Variants in TRIM43B observed in about 807,000 individuals in gnomAD.
The protein encoded by TRIM43B is tripartite motif-containing protein 43B.
In TRIM43B, 15 loss-of-function variants were observed where a neutral mutation model predicts 27.0. That is an observed-to-expected ratio of 0.55 (90% CI 0.37 to 0.85). The LOEUF is 0.85. TRIM43B is among the 40% of genes least tolerant of loss of function. TRIM43B has a pLI of 0.00. For missense variants in TRIM43B, 172 were observed against 289.8 expected, an observed-to-expected ratio of 0.59 and a Z score of 2.95; for synonymous variants, 69 against 97.8, an observed-to-expected ratio of 0.71 and a Z score of 1.74.
Position 95,483,833 on chromosome 2 carries a change from C to T in TRIM43B, c.-5+773G>A, listed in dbSNP as rs199861244. The stretch of plus-strand genomic sequence containing the variant: ...ACAGAGCAAGACTCTGTCTCCCCCC[C>T]AAAACAAAAACAAAAACAAAAACGA... On this transcript the variant is annotated intron_variant, in intron 1 of 6. Transcript: ENST00000639673. Among the ~76,000 whole-genome samples, 197 of 151,430 alleles carry T rather than the reference C, an allele frequency of 1.3e-3. 1 individual carries two copies. Among genetic ancestry groups the T allele is most frequent in the Non-Finnish European group, 2.4e-3 (160 of 67,808 alleles).
chr2:95,482,208 A>G (rs1356449243), intron 2 of TRIM43B, 96 bp downstream of exon 2: 58 of 1,264,706 alleles, frequency 4.6e-5, no homozygotes, highest in Non-Finnish European at 5.8e-5. Context: ...GGCACTCAGT[A>G]AAGAATGGAG....
intron 3 of TRIM43B, among the ~76,000 whole-genome samples, chr2:95,480,915 C>T (rs1683510620): frequency 6.6e-6 from 1 of 151,918 alleles, no homozygotes; most frequent in Non-Finnish European, 1.5e-5. Flanking sequence ...TAATCAGGAT[C>T]AGAAGCCATC....
At chr2:95,480,270 C>G (rs1471432704) in intron 4 of TRIM43B, 35 bp downstream of exon 4, 2 of 1,553,498 alleles carry the variant, frequency 1.3e-6, no homozygotes. Context: ...GGTCAGCTAA[C>G]ACAAAGTGTC....
chr2:95,481,100 C>T (rs1683513363), intron 3 of TRIM43B, among the ~76,000 whole-genome samples: 1 of 151,980 alleles, frequency 6.6e-6, no homozygotes, highest in Non-Finnish European at 1.5e-5. Flanking sequence ...TATTTATCCT[C>T]TCACTGCCCC....
intron 1 of TRIM43B, among the ~76,000 whole-genome samples, chr2:95,484,244 C>A (rs1022388979): frequency 6.6e-6 from 1 of 151,738 alleles, no homozygotes; most frequent in Non-Finnish European, 1.5e-5. Context: ...TGGTGGCAGG[C>A]GGCTATATTT....
intron 1 of TRIM43B, among the ~76,000 whole-genome samples, chr2:95,484,196 C>A (rs1464459661): frequency 1.3e-5 from 2 of 151,756 alleles, no homozygotes; most frequent in African/African-American, 4.8e-5. Context: ...TAATGAAACC[C>A]CGTCTCTACT....
In TRIM43B at chr2:95,482,297, C is replaced by T; in HGVS notation, c.411+7G>A. 2.5e-6 allele frequency: 4 copies of T among 1,611,490 alleles called. No homozygotes were observed. The highest frequency in any genetic ancestry group is 3.4e-6 in the Non-Finnish European group (4 of 1,179,668). ...AGCTTTCAGGTGATCACAGAGCTATCTCTTACCCGGTCTTCCTCAGCTGCC... is the reference window on the plus strand; with the variant it reads ...AGCTTTCAGGTGATCACAGAGCTATTTCTTACCCGGTCTTCCTCAGCTGCC... On this transcript the variant is annotated splice_region_variant and intron_variant, in intron 2 of 6. Transcript: ENST00000639673.
At position 95,480,181 on chromosome 2, in the gene TRIM43B, G is replaced by A. The variant is rs1175789714; in HGVS notation, c.738+124C>T. 20 of 1,413,814 alleles carry A rather than the reference G, an allele frequency of 1.4e-5. 1 individual carries two copies. Among genetic ancestry groups the A allele is most frequent in the South Asian group, 3.0e-5 (2 of 66,850 alleles). The allele number at this position is 1,413,814 out of a possible 1,614,324, so 87.6% of individuals were successfully genotyped here. ...GGAGTTATAGTTTATCTCTATAACCGGTGGGAATGACTCTCACCGTCAGTG... is the reference window on the plus strand; with the variant it reads ...GGAGTTATAGTTTATCTCTATAACCAGTGGGAATGACTCTCACCGTCAGTG... On this transcript the variant is annotated intron_variant, in intron 4 of 6. Coordinates refer to ENST00000639673, the Ensembl canonical transcript of TRIM43B.
Position 95,481,706 on chromosome 2 carries a change from A to C in TRIM43B, c.412-16T>G, listed in dbSNP as rs751140563. The C allele has an allele frequency of 3.7e-6, 6 of 1,608,302 alleles. No individual in the cohort carries two copies. The East Asian group carries it at 8.9e-5, about 24-fold the overall frequency. The stretch of plus-strand genomic sequence containing the variant: ...AGAGTTTCTCCTGCAAAAGAATTAA[A>C]GGTTGAACAGAAAGTCAAATACCAA... On this transcript the variant is annotated splice_polypyrimidine_tract_variant and intron_variant, in intron 2 of 6. Transcript: ENST00000639673.
chr2:95,481,440 C>T (rs1683520593), intron 3 of TRIM43B, among the ~76,000 whole-genome samples, 155 bp downstream of exon 3: 1 of 152,010 alleles, frequency 6.6e-6, no homozygotes, highest in African/African-American at 2.4e-5. Flanking sequence ...AAAACCTGAA[C>T]AATCGTTATG....
exon 2 of TRIM43B, chr2:95,482,306 G>A (rs545199654): frequency 1.5e-5 from 24 of 1,611,526 alleles, no homozygotes; most frequent in East Asian, 8.9e-5. Flanking sequence ...TCTCTTACCC[G>A]GTCTTCCTCA....
At chr2:95,482,682 C>T (rs1683555703) in exon 2 of TRIM43B, 1 of 1,613,598 alleles carries the variant, frequency 6.2e-7, no homozygotes, top group Non-Finnish European at 8.5e-7. Flanking sequence ...AGGTGAGTTC[C>T]TTCTGGAAGG....
Position 95,482,328 on chromosome 2 carries a change from G to A in TRIM43B, c.387C>T (p.Ile129=), listed in dbSNP as rs763279378. 55 of 1,611,340 alleles carry A rather than the reference G, an allele frequency of 3.4e-5. 1 individual carries two copies. The highest frequency in any genetic ancestry group is 4.5e-5 in the Non-Finnish European group (53 of 1,179,736). The change falls in exon 2 of 7, where the codon ATC becomes ATT. Residue 129 remains isoleucine (I), a synonymous_variant. Coordinates refer to ENST00000639673, the Ensembl canonical transcript of TRIM43B. ...CCCGGTCTTCCTCAGCTGCCTCTTC[G>A]ATGGGATAGTGTTTGTGAGCCCCGT...
intron 3 of TRIM43B, among the ~76,000 whole-genome samples, 191 bp from the exon 4 acceptor site, chr2:95,480,726 G>A (rs1683507292): frequency 6.6e-6 from 1 of 151,720 alleles, no homozygotes; most frequent in Non-Finnish European, 1.5e-5. Flanking sequence ...AGCCCTTTAG[G>A]TTTAAATGTT....
chr2:95,482,239 A>T, intron 2 of TRIM43B, 65 bp downstream of exon 2: 10 of 1,451,544 alleles, frequency 6.9e-6, no homozygotes, highest in Non-Finnish European at 9.2e-6. Flanking sequence ...GATTCTCATC[A>T]TCCTTCTAAT....
chr2:95,482,687 G>A lies in TRIM43B; in HGVS notation c.28C>T (p.Gln10Ter). 6.2e-7 allele frequency: 1 copy of A among 1,613,722 alleles called. No homozygotes were observed. Among genetic ancestry groups the A allele is most frequent in the Non-Finnish European group, 8.5e-7 (1 of 1,179,874 alleles). ...CAGATGACACAGGTGAGTTCCTTCT[G>A]GAAGGCATGTGAGAAGTCTGAGTCC... Residue 10 changes from glutamine (Q) to a stop codon, truncating the protein, a stop_gained, in exon 2 of 7, where the codon CAG (glutamine) becomes TAG (stop). Transcript: ENST00000639673. LOFTEE classifies it high-confidence loss of function.
Position 95,483,572 on chromosome 2 carries a change from A to G in TRIM43B, c.-4-854T>C, listed in dbSNP as rs6745115. On this transcript the variant is annotated intron_variant, in intron 1 of 6. Transcript: ENST00000639673. ...GGTGGCTGACGCCTGTAATCCGAGC[A>G]CTTTGGGAGGCCGAGGTGGCTGAGG... 8.5e-3 allele frequency among the ~76,000 whole-genome samples: 1,288 copies of G among 151,590 alleles called. 15 individuals are homozygous for G. The highest frequency in any genetic ancestry group is 0.029 in the African/African-American group (1,220 of 41,504).
intron 1 of TRIM43B, 67 bp downstream of exon 1, chr2:95,484,539 A>T (rs1683606508): frequency 1.3e-5 from 2 of 152,120 alleles, no homozygotes; most frequent in African/African-American, 4.8e-5. Flanking sequence ...AGATAAATTA[A>T]AGTCCCCAAA....
In TRIM43B at chr2:95,481,699, GA is replaced by G. The variant is rs1444511525; in HGVS notation, c.412-10del. 6.2e-7 allele frequency: 1 copy of G among 1,610,090 alleles called. No individual in the cohort carries two copies. The highest frequency in any genetic ancestry group is 1.3e-5 in the African/African-American group (1 of 74,698). On this transcript the variant is annotated splice_polypyrimidine_tract_variant and intron_variant, in intron 2 of 6. Transcript: ENST00000639673. ...TGCTTTAAGAGTTTCTCCTGCAAAA[GA>G]ATTAAAGGTTGAACAGAAAGTCAAA... is the stretch of plus-strand genomic sequence containing the variant.
Sources: allele counts gnomAD v4.1 joint callset (sites outside exome capture counted in the v4.1 genomes callset), GRCh38; gene constraint gnomAD v4.1.1; transcripts MANE v1.5; gene names NCBI Gene and HGNC (gene_info 2026-07-23, HGNC 2026-07-21).